Variants in PGS1 observed in about 807,000 individuals in gnomAD.
PGS1 encodes the protein CDP-diacylglycerol--glycerol-3-phosphate 3-phosphatidyltransferase, mitochondrial.
PGS1 carries 44 observed loss-of-function variants against 58.3 expected under a neutral mutation model. The ratio of observed to expected loss-of-function variants is 0.75; its 90% CI spans 0.59 to 0.97. The LOEUF is 0.97. Among genes scored for constraint, PGS1 ranks in the 50% least tolerant of loss-of-function variants. The pLI is 0.00. For synonymous variants in PGS1, 330 were observed against 311.0 expected, an observed-to-expected ratio of 1.06 and a Z score of -0.64; for missense variants, 684 against 731.1, an observed-to-expected ratio of 0.94 and a Z score of 0.74.
chr17:78,379,052 C>G (rs762625475), intron 1 of PGS1, among the ~76,000 whole-genome samples: 7 of 152,200 alleles, frequency 4.6e-5, no homozygotes, highest in Non-Finnish European at 7.4e-5. Flanking sequence ...TCCTGCGCAG[C>G]CCGGCCAGTC....
At chr17:78,390,158 G>C (rs891722231) in intron 1 of PGS1, among the ~76,000 whole-genome samples, 19 of 147,446 alleles carry the variant, frequency 1.3e-4, no homozygotes, top group African/African-American at 4.7e-4. Flanking sequence ...CCCATTGTCC[G>C]GTGGTTTCTG....
At position 78,386,319 on chromosome 17, in the gene PGS1, A is replaced by G. The variant is rs371832844; in HGVS notation, c.144-6157A>G. Among the ~76,000 whole-genome samples the G allele has an allele frequency of 1.4e-3, 217 of 152,244 alleles. 2 individuals are homozygous for G. Among genetic ancestry groups the G allele is most frequent in the African/African-American group, 4.8e-3 (201 of 41,532 alleles). On this transcript the variant is annotated intron_variant, in intron 1 of 9. Transcript: ENST00000262764. ...CGGCTGGTTTGATTTTGAATGCTGG[A>G]GCACTGGTGCTAGGGGATATCACTG... is the stretch of plus-strand genomic sequence containing the variant.
intron 9 of PGS1, chr17:78,421,184 C>G (rs1046267345): frequency 6.6e-6 from 1 of 152,236 alleles, no homozygotes; most frequent in Non-Finnish European, 1.5e-5. Context: ...AAAGCCAGCT[C>G]TCCATATCCC....
chr17:78,396,409 G>T (rs754859449), intron 3 of PGS1, 24 bp downstream of exon 3: 2 of 1,548,476 alleles, frequency 1.3e-6, no homozygotes, highest in African/African-American at 1.4e-5. Flanking sequence ...GGAGATGGTT[G>T]TGGCAGCAAT....
chr17:78,409,823 T>A (rs1283316886), intron 7 of PGS1, among the ~76,000 whole-genome samples: 1 of 152,192 alleles, frequency 6.6e-6, no homozygotes, highest in Non-Finnish European at 1.5e-5. Flanking sequence ...GCCTTAGAAC[T>A]GCAAAGGCCT....
At chr17:78,385,717 C>T (rs561037828) in intron 1 of PGS1, among the ~76,000 whole-genome samples, 5 of 152,320 alleles carry the variant, frequency 3.3e-5, no homozygotes, top group African/African-American at 7.2e-5. Context: ...CCACTGTGCC[C>T]GGCCCCCGGG....
At chr17:78,395,514 T>C (rs370216426) in intron 2 of PGS1, among the ~76,000 whole-genome samples, 68 of 152,184 alleles carry the variant, frequency 4.5e-4, no homozygotes, top group African/African-American at 1.5e-3. Flanking sequence ...GTCTCCTATG[T>C]ATCTTTTGGG....
intron 7 of PGS1, among the ~76,000 whole-genome samples, chr17:78,408,104 A>C (rs1250688629): frequency 8.5e-6 from 1 of 117,488 alleles, no homozygotes; most frequent in East Asian, 2.3e-4. Flanking sequence ...TATTTTATCT[A>C]TCAATCAGTC....
chr17:78,409,318 A>C (rs568488183), intron 7 of PGS1, among the ~76,000 whole-genome samples: 1 of 152,374 alleles, frequency 6.6e-6, no homozygotes, highest in African/African-American at 2.4e-5. Flanking sequence ...AGCACTAACA[A>C]CACAATGTGG....
chr17:78,386,499 C>T (rs1157719342), intron 1 of PGS1, among the ~76,000 whole-genome samples: 1 of 152,162 alleles, frequency 6.6e-6, no homozygotes, highest in Admixed American at 6.5e-5. Flanking sequence ...TAGATGGTGT[C>T]TAGAAAGAGA....
Position 78,403,816 on chromosome 17 carries a change from G to A in PGS1, c.1129G>A (p.Glu377Lys). The change falls in exon 7 of 10, where the codon GAG becomes AAG. Residue 377 changes from glutamate to lysine, a missense_variant. Coordinates refer to ENST00000262764, the MANE Select transcript of PGS1 (RefSeq NM_024419.5). ...IVTETLLTEA[E>K]RGAKVYLTTG... ...CACTGAGACCCTGTTGACTGAGGCG[G>A]AGCGCGGGGCAAAGGTCTACCTCAC... The A allele has an allele frequency of 6.2e-7, 1 of 1,614,232 alleles. No individual in the cohort carries two copies. The highest frequency in any genetic ancestry group is 8.5e-7 in the Non-Finnish European group (1 of 1,180,054).
rs529543125 is a variant in PGS1, at chr17:78,410,220, G to A, written c.1403-4659G>A. ...AGGCGGGTGGATCACCTGAGGTCAG[G>A]AGTTTGAGACCCAGCCTGGCCAACA... On this transcript the variant is annotated intron_variant, in intron 7 of 9. Coordinates refer to ENST00000262764, the MANE Select transcript of PGS1 (RefSeq NM_024419.5). 3.3e-3 allele frequency among the ~76,000 whole-genome samples: 510 copies of A among 152,262 alleles called. 2 individuals carry two copies. The highest frequency in any genetic ancestry group is 4.7e-3 in the Non-Finnish European group (320 of 68,004).
chr17:78,416,374 G>C (rs2085191090), intron 8 of PGS1, among the ~76,000 whole-genome samples: 2 of 152,250 alleles, frequency 1.3e-5, no homozygotes, highest in African/African-American at 2.4e-5. Context: ...CAATTGCAGA[G>C]AGCCGTTCGC....
intron 1 of PGS1, among the ~76,000 whole-genome samples, chr17:78,385,899 C>T (rs2082351293): frequency 6.6e-6 from 1 of 152,232 alleles, no homozygotes; most frequent in African/African-American, 2.4e-5. Context: ...GCAGGCTTCC[C>T]TCTCCTTGCT....
chr17:78,404,165 G>A (rs922179314), intron 7 of PGS1, 76 bp downstream of exon 7: 18 of 1,426,610 alleles, frequency 1.3e-5, no homozygotes, highest in Admixed American at 7.8e-5. Context: ...GAGCCCTGGC[G>A]CCTACCTGTT....
intron 7 of PGS1, among the ~76,000 whole-genome samples, chr17:78,410,630 T>G (rs541795884): frequency 6.6e-6 from 1 of 151,810 alleles, no homozygotes; most frequent in Non-Finnish European, 1.5e-5. Context: ...CGCACCAGAA[T>G]GCCCAGCTAG....
chr17:78,406,448 A>G (rs2084152956), intron 7 of PGS1, among the ~76,000 whole-genome samples: 2 of 152,238 alleles, frequency 1.3e-5, no homozygotes, highest in African/African-American at 4.8e-5. Context: ...CTTAAGAACC[A>G]CTGTCCCAGC....
intron 6 of PGS1, among the ~76,000 whole-genome samples, chr17:78,401,345 C>A (rs1211912239): frequency 4.6e-5 from 7 of 152,232 alleles, no homozygotes; most frequent in Admixed American, 4.6e-4. Flanking sequence ...GGGCCCATTT[C>A]CCCAAGCCTA....
intron 8 of PGS1, among the ~76,000 whole-genome samples, chr17:78,417,962 T>C (rs1371505182): frequency 6.6e-6 from 1 of 150,598 alleles, no homozygotes; most frequent in African/African-American, 2.4e-5. Context: ...TGGAGTCTTG[T>C]TCTGTCGCCC....
Sources: allele counts gnomAD v4.1 joint callset (sites outside exome capture counted in the v4.1 genomes callset), GRCh38; gene constraint gnomAD v4.1.1; transcripts MANE v1.5; gene names NCBI Gene and HGNC (gene_info 2026-07-23, HGNC 2026-07-21).